Variants in NRXN2 observed in about 807,000 individuals in gnomAD.
The protein encoded by NRXN2 is neurexin 2.
A neutral mutation model predicts 128.8 loss-of-function variants in NRXN2; 29 were observed. That is an observed-to-expected ratio of 0.23 (90% CI 0.17 to 0.31). NRXN2 has a LOEUF of 0.31. NRXN2 is among the 10% of genes least tolerant of loss of function. The pLI, the probability that NRXN2 is intolerant of heterozygous loss-of-function variation, is 1.00. For missense variants in NRXN2, 1,881 were observed against 2,452.6 expected (o/e 0.77, Z 4.92); for synonymous variants, 1,098 against 1,075.2 (o/e 1.02, Z -0.41).
chr11:64,691,746 C>T (rs1226030341), intron 4 of NRXN2, among the ~76,000 whole-genome samples: 1 of 152,146 alleles, frequency 6.6e-6, no homozygotes, highest in African/African-American at 2.4e-5. Context: ...CCTCTTTCCC[C>T]ACACTTCTTG....
intron 7 of NRXN2, chr11:64,675,110 A>C (rs181717977): frequency 5.3e-5 from 8 of 152,204 alleles, no homozygotes; most frequent in Non-Finnish European, 1.2e-4. Context: ...CTAGTGAAGC[A>C]CCGTAAAGAA....
intron 1 of NRXN2, among the ~76,000 whole-genome samples, chr11:64,717,245 T>C (rs2057328871): frequency 6.6e-6 from 1 of 152,152 alleles, no homozygotes; most frequent in South Asian, 2.1e-4. Flanking sequence ...GGCCCACTTT[T>C]CTTCTTCCAT....
chr11:64,721,597 C>T (rs1263965214), intron 1 of NRXN2, among the ~76,000 whole-genome samples: 1 of 152,100 alleles, frequency 6.6e-6, no homozygotes, highest in Non-Finnish European at 1.5e-5. Context: ...AAACAGAAGG[C>T]CTCACAGTTA....
chr11:64,677,056 G>A lies in NRXN2; in HGVS notation c.1153-19C>T. ...CTGCGTGCTTCACCGGAGATATGGG[G>A]GGATGGGGAGGAGGGGGGTGTCAAA... On this transcript the variant is annotated intron_variant, in intron 6 of 22. Transcript: ENST00000265459. The A allele has an allele frequency of 6.7e-7, 1 of 1,481,898 alleles. No individual in the cohort carries two copies. The highest frequency in any genetic ancestry group is 9.1e-7 in the Non-Finnish European group (1 of 1,096,526). 91.8% of individuals were successfully genotyped at this position (1,481,898 alleles called of 1,614,324 possible).
rs1469000480 is a variant in NRXN2, at chr11:64,631,072, G to A, written c.3586-499C>T. Among the ~76,000 whole-genome samples, 1 of 152,220 alleles carries A rather than the reference G, an allele frequency of 6.6e-6. No individual in the cohort carries two copies. Among genetic ancestry groups the A allele is most frequent in the Non-Finnish European group, 1.5e-5 (1 of 68,036 alleles). Reference sequence around the variant, plus strand: ...CCCTGGTATGCTCTGTACCAAGCAGGCCCCCAGGGGGCTTCCACCCACACC... The same window carrying A: ...CCCTGGTATGCTCTGTACCAAGCAGACCCCCAGGGGGCTTCCACCCACACC... On this transcript the variant is annotated intron_variant, in intron 18 of 22. Transcript: ENST00000265459. The surrounding 1 kb of genome is among the most constrained non-coding windows in gnomAD (Gnocchi z 4.8).
rs773738468 is a variant in NRXN2 at position 64,607,932 on chromosome 11, G to A, written c.4403C>T (p.Ala1468Val). ...ATQDTLPPPA[A>V]RRPPSGGPCQ... is the part of the protein sequence containing the mutation. Reference sequence around the variant, plus strand: ...CGGGCCCCCAGAGGGCGGGCGGCGCGCGGCGGGCGGGGGCAGCGTGTCTTG... The same window carrying A: ...CGGGCCCCCAGAGGGCGGGCGGCGCACGGCGGGCGGGGGCAGCGTGTCTTG... The change falls in exon 23 of 23, where the codon GCG (alanine) becomes GTG (valine). Residue 1468 changes from alanine (A) to valine (V), a missense_variant. Coordinates refer to ENST00000265459, the MANE Select transcript of NRXN2 (RefSeq NM_015080.4). 183 of 1,548,832 alleles carry A rather than the reference G, an allele frequency of 1.2e-4. No individual in the cohort carries two copies. Among genetic ancestry groups the A allele is most frequent in the Middle Eastern group, 1.9e-4 (1 of 5,210 alleles).
chr11:64,667,483 CGGAA>C lies in NRXN2; in HGVS notation c.1561_1564del (p.Phe521AlafsTer83). On this transcript the variant is annotated frameshift_variant, in exon 9 of 23. Transcript: ENST00000265459. LOFTEE classifies it high-confidence loss of function. The surrounding 1 kb of genome is among the most constrained non-coding windows in gnomAD (Gnocchi z 5.6). The stretch of plus-strand genomic sequence containing the variant: ...CAGCAGCCCATTGGGCTCGGTGGTG[CGGAA>C]GTCTAGGGAGATGGAGCCAGTGCGC... 6.2e-7 allele frequency: 1 copy of C among 1,613,956 alleles called. No homozygotes were observed. Among genetic ancestry groups the C allele is most frequent in the Non-Finnish European group, 8.5e-7 (1 of 1,180,014 alleles).
chr11:64,692,822 A>G, intron 4 of NRXN2, 25 bp downstream of exon 4: 1 of 1,613,978 alleles, frequency 6.2e-7, no homozygotes, highest in Non-Finnish European at 8.5e-7. Flanking sequence ...TCCAATCCAA[A>G]CCAAACCAAA....
chr11:64,692,774 G>A, intron 4 of NRXN2, 73 bp downstream of exon 4: 1 of 1,550,664 alleles, frequency 6.4e-7, no homozygotes, highest in Non-Finnish European at 8.9e-7. Flanking sequence ...GGAAGGACAG[G>A]GAGAAGAACA....
chr11:64,690,171 G>C (rs1164723808), intron 5 of NRXN2, among the ~76,000 whole-genome samples: 3 of 152,258 alleles, frequency 2.0e-5, no homozygotes, highest in African/African-American at 7.2e-5. Flanking sequence ...GTTCTAGAAA[G>C]AAGTCATCAG....
chr11:64,660,211 C>G lies in NRXN2; in HGVS notation c.2389+121G>C. ...CTGACCCAGGCTGGCGCCTCCCCACCTCCAAACTCTGCTGAGGGCACCTCT... is the reference window on the plus strand; with the variant it reads ...CTGACCCAGGCTGGCGCCTCCCCACGTCCAAACTCTGCTGAGGGCACCTCT... On this transcript the variant is annotated intron_variant, in intron 11 of 22. Coordinates refer to ENST00000265459, the MANE Select transcript of NRXN2 (RefSeq NM_015080.4). The surrounding 1 kb of genome is among the most constrained non-coding windows in gnomAD (Gnocchi z 5.2). 1 of 1,159,096 alleles carries G rather than the reference C, an allele frequency of 8.6e-7. No homozygotes were observed. The highest frequency in any genetic ancestry group is 1.3e-6 in the Non-Finnish European group (1 of 777,566). The allele number at this position is 1,159,096 out of a possible 1,614,324, so 71.8% of individuals were successfully genotyped here. A position where few individuals can be genotyped will look rare whatever the true frequency, so the allele number is the denominator to read the frequency against.
chr11:64,672,174 G>A (rs1238116948), intron 7 of NRXN2, among the ~76,000 whole-genome samples: 2 of 152,214 alleles, frequency 1.3e-5, no homozygotes, highest in African/African-American at 4.8e-5. Context: ...GGAGCAGAGA[G>A]GCTGGCTGGA....
At position 64,660,123 on chromosome 11, in the gene NRXN2, C is replaced by T. The variant is rs929275024; in HGVS notation, c.2389+209G>A. On this transcript the variant is annotated intron_variant, in intron 11 of 22. Coordinates refer to ENST00000265459, the MANE Select transcript of NRXN2 (RefSeq NM_015080.4). The surrounding 1 kb of genome is among the most constrained non-coding windows in gnomAD (Gnocchi z 5.2). ...CTCTGGGTCTTGCCCCTCACAGTGT[C>T]GTCGAGCATGGAATGTCGCCCTACA... is the stretch of plus-strand genomic sequence containing the variant. Among the ~76,000 whole-genome samples, 1 of 152,220 alleles carries T rather than the reference C, an allele frequency of 6.6e-6. No homozygotes were observed. Among genetic ancestry groups the T allele is most frequent in the Non-Finnish European group, 1.5e-5 (1 of 68,040 alleles).
At chr11:64,658,981 G>A (rs1192390904) in intron 11 of NRXN2, among the ~76,000 whole-genome samples, 18 of 152,158 alleles carry the variant, frequency 1.2e-4, no homozygotes, top group Admixed American at 5.2e-4. Context: ...CCCAGATCAC[G>A]CCACTGCACT....
At chr11:64,612,095 G>C (rs576045363) in intron 22 of NRXN2, among the ~76,000 whole-genome samples, 206 of 152,260 alleles carry the variant, frequency 1.4e-3, no homozygotes, top group African/African-American at 4.9e-3. Flanking sequence ...CTAGGCTCTG[G>C]GGCAATCAAG....
At position 64,607,813 on chromosome 11, in the gene NRXN2, T is replaced by C. The variant is rs781092529; in HGVS notation, c.4522A>G (p.Thr1508Ala). 8.7e-6 allele frequency: 14 copies of C among 1,600,100 alleles called. No individual in the cohort carries two copies. The South Asian group carries it at 1.5e-4, about 17-fold the overall frequency. ...GEVFDSSLPP[T>A]DDEDFYTTFP... ...GTGGTGTAAAAGTCCTCGTCGTCCG[T>C]GGGGGGGAGGCTGGAGTCAAAGACC... The change falls in exon 23 of 23, where the codon ACG becomes GCG. Residue 1508 changes from threonine to alanine, a missense_variant. Thr to Ala is a moderately conservative substitution (Grantham distance 58). Around this residue, in one of 7 missense-constraint regions of NRXN2, gnomAD observed 310 missense variants for 318.2 expected, o/e 0.97. Transcript: ENST00000265459.
intron 8 of NRXN2, among the ~76,000 whole-genome samples, 175 bp downstream of exon 8, chr11:64,668,268 G>C (rs1378969099): frequency 6.6e-6 from 1 of 152,232 alleles, no homozygotes; most frequent in African/African-American, 2.4e-5. Context: ...AATCAAAGGG[G>C]AGAAGCCTCT....
At chr11:64,642,395 T>C (rs893691669) in intron 17 of NRXN2, 35 of 1,226,804 alleles carry the variant, frequency 2.9e-5, no homozygotes, top group Non-Finnish European at 3.6e-5. Flanking sequence ...AGATTGGAGG[T>C]GAAGGGGCTC....
In NRXN2 at chr11:64,631,000, G is replaced by A. The variant is rs933017388; in HGVS notation, c.3586-427C>T. 3.7e-4 allele frequency among the ~76,000 whole-genome samples: 56 copies of A among 152,160 alleles called. No individual in the cohort carries two copies. The highest frequency in any genetic ancestry group is 6.5e-5 in the Admixed American group (1 of 15,280). On this transcript the variant is annotated intron_variant, in intron 18 of 22. Coordinates refer to ENST00000265459, the MANE Select transcript of NRXN2 (RefSeq NM_015080.4). This position sits in a 1 kb window ranked among gnomAD's most constrained non-coding sequence, Gnocchi z 4.6. Reference sequence around the variant, plus strand: ...CAGAAGCCGGCCTCTGCCAGAGGAAGGTCTGACCCCCAGCCCCTCCCCAGT... The same window carrying A: ...CAGAAGCCGGCCTCTGCCAGAGGAAAGTCTGACCCCCAGCCCCTCCCCAGT...
Sources: allele counts gnomAD v4.1 joint callset (sites outside exome capture counted in the v4.1 genomes callset), GRCh38; gene constraint gnomAD v4.1.1; regional missense constraint gnomAD v4.1.1; non-coding constraint Gnocchi (gnomAD v3.1); transcripts MANE v1.5; gene names NCBI Gene and HGNC (gene_info 2026-07-23, HGNC 2026-07-21).